Variants in STS observed in about 807,000 individuals in gnomAD.
STS encodes the protein steroid sulfatase.
A neutral mutation model predicts 26.8 loss-of-function variants in STS; 7 were observed. The observed-to-expected ratio is 0.26, with a 90% CI of 0.15 to 0.49. The LOEUF (loss-of-function observed/expected upper bound fraction) is 0.49, where lower values mean the gene tolerates loss of function less well. Among genes scored for constraint, STS ranks in the 20% least tolerant of loss-of-function variants. The pLI is 0.98. For synonymous variants in STS, 199 were observed against 189.4 expected, an observed-to-expected ratio of 1.05 and a Z score of -0.42; for missense variants, 434 against 465.6, an observed-to-expected ratio of 0.93 and a Z score of 0.63.
chrX:7,221,998 G>A (rs1194930437), intron 2 of STS, among the ~76,000 whole-genome samples: 3 of 111,481 alleles, frequency 2.7e-5, no homozygotes, highest in African/African-American at 9.8e-5. Context: ...GGAAACTCAT[G>A]AATGGGACTA....
chrX:7,317,289 T>TA (rs1171242779), intron 8 of STS, among the ~76,000 whole-genome samples: 1 of 111,253 alleles, frequency 9.0e-6, no homozygotes, highest in Non-Finnish European at 1.9e-5. Flanking sequence ...TCACCTGTTT[T>TA]TTTTTTTCTT....
chrX:7,305,885 T>A (rs1569219550), intron 8 of STS, among the ~76,000 whole-genome samples: 1 of 112,318 alleles, frequency 8.9e-6, no homozygotes, highest in Admixed American at 9.5e-5. Flanking sequence ...ATGAACTTAA[T>A]CTGCAAAGTG....
chrX:7,224,725 C>T (rs140662608), intron 2 of STS, among the ~76,000 whole-genome samples: 2,640 of 111,983 alleles, frequency 0.024, 33 homozygotes, highest in Middle Eastern at 0.046. Flanking sequence ...TTGCATTCCA[C>T]GATAGCAGCC....
chrX:7,300,140 G>A (rs971538072), intron 7 of STS, among the ~76,000 whole-genome samples: 9 of 111,990 alleles, frequency 8.0e-5, no homozygotes, highest in East Asian at 2.8e-4. Flanking sequence ...TCTTCTTTGG[G>A]ACTGCAAAAG....
intron 7 of STS, among the ~76,000 whole-genome samples, chrX:7,291,039 C>A (rs1207466776): frequency 9.0e-6 from 1 of 111,534 alleles, no homozygotes; most frequent in Non-Finnish European, 1.9e-5. Context: ...GGCACAATTT[C>A]GTGTGTTCGA....
intron 2 of STS, among the ~76,000 whole-genome samples, chrX:7,215,138 CAT>C (rs369499691): frequency 0.34 from 30,743 of 89,837 alleles, 4,367 homozygotes; most frequent in East Asian, 0.38. Flanking sequence ...CACACACACA[CAT>C]ATATATATAT....
chrX:7,325,980 A>C (rs1159623066), intron 9 of STS, among the ~76,000 whole-genome samples: 1 of 112,128 alleles, frequency 8.9e-6, no homozygotes, highest in Non-Finnish European at 1.9e-5. Context: ...GTTTTTACAC[A>C]GAAAGGCAGG....
At chrX:7,176,106 T>C (rs1398997845) in intron 1 of STS, among the ~76,000 whole-genome samples, 10 of 111,801 alleles carry the variant, frequency 8.9e-5, no homozygotes, top group African/African-American at 3.3e-4. Context: ...AGAATATTCC[T>C]TGAACGTGGG....
rs756429418 is a variant in STS at position 7,322,645 on chromosome X, C to G, written c.1082-2694C>G. Among the ~76,000 whole-genome samples, 4 of 112,068 alleles carry G rather than the reference C, an allele frequency of 3.6e-5. No individual in the cohort carries two copies. The Admixed American group carries it at 3.8e-4, about 11-fold the overall frequency. ...TCAACTGCTGACCTCAGGTGATCCACCCGTCTTGGCCTCCTAAAGTGCTGG... is the reference window on the plus strand; with the variant it reads ...TCAACTGCTGACCTCAGGTGATCCAGCCGTCTTGGCCTCCTAAAGTGCTGG... On this transcript the variant is annotated intron_variant, in intron 8 of 10. Transcript: ENST00000674429.
chrX:7,199,094 T>C (rs1447992455), intron 2 of STS, among the ~76,000 whole-genome samples: 1 of 111,896 alleles, frequency 8.9e-6, no homozygotes, highest in Non-Finnish European at 1.9e-5. Flanking sequence ...ATAAAATTCA[T>C]ATTTAATCCT....
At chrX:7,204,519 TCCTC>T (rs1194077189) in intron 2 of STS, among the ~76,000 whole-genome samples, 31 of 88,303 alleles carry the variant, frequency 3.5e-4, no homozygotes, top group East Asian at 2.5e-3. Context: ...TTTCCTCCCT[TCCTC>T]CCTCCCTCCC....
At position 7,253,214 on chromosome X, in the gene STS, C is replaced by T. The variant is rs751176449; in HGVS notation, c.15C>T (p.Phe5=). 1 of 1,211,326 alleles carries T rather than the reference C, an allele frequency of 8.3e-7. No individual in the cohort carries two copies. Among genetic ancestry groups the T allele is most frequent in the Admixed American group, 2.2e-5 (1 of 45,986 alleles). The change falls in exon 3 of 11, where the codon TTC becomes TTT. Residue 5 remains phenylalanine, a synonymous_variant. Transcript: ENST00000674429. ...TTTACAGGAAGATGAAGATCCCTTT[C>T]CTCCTACTGTTCTTTCTGTGGGAAG... MKIP[F]LLLFFLWEAE... is the part of the protein sequence containing the mutation.
intron 2 of STS, among the ~76,000 whole-genome samples, chrX:7,210,712 T>C (rs1430754183): frequency 1.8e-5 from 2 of 108,504 alleles, no homozygotes; most frequent in Non-Finnish European, 3.8e-5. Flanking sequence ...CTATAAATAA[T>C]ATTCCTTTTA....
intron 1 of STS, among the ~76,000 whole-genome samples, chrX:7,159,214 G>A (rs1933194189): frequency 9.0e-6 from 1 of 110,675 alleles, no homozygotes; most frequent in Non-Finnish European, 1.9e-5. Context: ...TATTTTTCCT[G>A]GGGTGTGATT....
At chrX:7,179,747 A>G (rs939025528) in intron 1 of STS, among the ~76,000 whole-genome samples, 1 of 112,249 alleles carries the variant, frequency 8.9e-6, no homozygotes, top group Non-Finnish European at 1.9e-5. Flanking sequence ...GTACAATGGC[A>G]GTTACCAGGG....
chrX:7,217,608 A>G (rs1279349551), intron 2 of STS, among the ~76,000 whole-genome samples: 4 of 111,320 alleles, frequency 3.6e-5, no homozygotes, highest in African/African-American at 1.3e-4. Context: ...CATCTCATCC[A>G]ACCTCTTACT....
intron 10 of STS, among the ~76,000 whole-genome samples, chrX:7,334,767 G>A (rs1927932249): frequency 8.9e-6 from 1 of 112,820 alleles, no homozygotes; most frequent in African/African-American, 3.2e-5. Flanking sequence ...GCTACATTTA[G>A]ATATTTAAAG....
At chrX:7,169,024 A>G (rs1267745054) in intron 1 of STS, among the ~76,000 whole-genome samples, 1 of 111,570 alleles carries the variant, frequency 9.0e-6, no homozygotes, top group Non-Finnish European at 1.9e-5. Flanking sequence ...TGTAAAATAT[A>G]CAATTCTGAC....
intron 10 of STS, among the ~76,000 whole-genome samples, chrX:7,343,712 C>T (rs959328873): frequency 1.8e-5 from 2 of 111,801 alleles, no homozygotes; most frequent in Non-Finnish European, 3.8e-5. Flanking sequence ...AGCACCTGCC[C>T]TCTAGCTAGT....
Sources: allele counts gnomAD v4.1 joint callset (sites outside exome capture counted in the v4.1 genomes callset), GRCh38; gene constraint gnomAD v4.1.1; transcripts MANE v1.5; gene names NCBI Gene and HGNC (gene_info 2026-07-23, HGNC 2026-07-21).